Variants in PIGF observed in about 807,000 individuals in gnomAD.
The protein encoded by PIGF is GPI ethanolamine phosphate transferase, stabilizing subunit.
Under a neutral mutation model 26.0 loss-of-function variants are expected in PIGF, and 23 were observed. That is an observed-to-expected ratio of 0.88 (90% confidence interval 0.64 to 1.25). The LOEUF (loss-of-function observed/expected upper bound fraction) is 1.25, where lower values mean the gene tolerates loss of function less well. PIGF is among the 50% of genes most tolerant of loss of function. PIGF has a pLI of 0.00. For synonymous variants in PIGF, 93 were observed against 92.6 expected, an observed-to-expected ratio of 1.00 and a Z score of -0.03; for missense variants, 278 against 249.9, an observed-to-expected ratio of 1.11 and a Z score of -0.76.
At chr2:46,587,796 C>T (rs1435154731) in intron 5 of PIGF, among the ~76,000 whole-genome samples, 6 of 152,132 alleles carry the variant, frequency 3.9e-5, no homozygotes, top group Non-Finnish European at 8.8e-5. Context: ...AAAATACAGA[C>T]ACCACCACAA....
At chr2:46,584,435 G>T (rs541935720) in intron 5 of PIGF, among the ~76,000 whole-genome samples, 1 of 152,138 alleles carries the variant, frequency 6.6e-6, no homozygotes, top group Non-Finnish European at 1.5e-5. Flanking sequence ...TTCCAATTTG[G>T]GTTACTAAAT....
At chr2:46,607,313 CAAACCTTTACCAAGG>C (rs891796198) in intron 4 of PIGF, among the ~76,000 whole-genome samples, 2 of 152,148 alleles carry the variant, frequency 1.3e-5, no homozygotes, top group South Asian at 2.1e-4. Context: ...TTTCCAGAAG[CAAACCTTTACCAAGG>C]AAACCTTTTC....
intron 4 of PIGF, among the ~76,000 whole-genome samples, chr2:46,601,467 T>A (rs1670052699): frequency 6.6e-6 from 1 of 152,122 alleles, no homozygotes; most frequent in African/African-American, 2.4e-5. Flanking sequence ...ATGGTTTAAA[T>A]ACACTGTCAT....
In PIGF at chr2:46,588,209, G is replaced by A. The variant is rs375801333; in HGVS notation, c.546+4266C>T. 83 of 1,608,562 alleles carry A rather than the reference G, an allele frequency of 5.2e-5. No individual in the cohort carries two copies. The highest frequency in any genetic ancestry group is 6.8e-5 in the Non-Finnish European group (80 of 1,177,932). On this transcript the variant is annotated intron_variant, in intron 5 of 5. Transcript: ENST00000281382. This position sits in a 1 kb window ranked among gnomAD's most constrained non-coding sequence, Gnocchi z 4.1. The stretch of plus-strand genomic sequence containing the variant: ...AATGTCAGACAGGATTGAAAATTAT[G>A]TGAAATCCAAATACCCTAAATTGGC...
chr2:46,608,573 ACTAT>A (rs1670296805), intron 4 of PIGF, among the ~76,000 whole-genome samples: 1 of 152,234 alleles, frequency 6.6e-6, no homozygotes, highest in Non-Finnish European at 1.5e-5. Context: ...CAGAGGAATC[ACTAT>A]CTATGGCAGC....
At chr2:46,587,439 GAA>G (rs5830909) in intron 5 of PIGF, among the ~76,000 whole-genome samples, 4 of 144,628 alleles carry the variant, frequency 2.8e-5, no homozygotes, top group South Asian at 4.4e-4. Flanking sequence ...TGGTAAAACT[GAA>G]AAAAAAAAAC....
At chr2:46,597,092 C>A (rs2104094769) in intron 4 of PIGF, among the ~76,000 whole-genome samples, 1 of 152,268 alleles carries the variant, frequency 6.6e-6, no homozygotes, top group Middle Eastern at 3.4e-3. Flanking sequence ...CTTTTTGGAG[C>A]CACCTAGGAC....
In PIGF at chr2:46,605,793, C is replaced by T. The variant is rs576951912; in HGVS notation, c.437+6435G>A. On this transcript the variant is annotated intron_variant, in intron 4 of 5. Coordinates refer to ENST00000281382, the MANE Select transcript of PIGF (RefSeq NM_002643.4). ...ACAGAACTGGGGCAAATCACTTAAC[C>T]TGTCAGCTTTCTAAGTTCTTCATCT... Among the ~76,000 whole-genome samples the T allele has an allele frequency of 7.2e-5, 11 of 152,230 alleles. 1 individual carries two copies. The highest frequency in any genetic ancestry group is 2.6e-4 in the African/African-American group (11 of 41,568).
Position 46,598,529 on chromosome 2 carries a change from A to ATTTTTTTTTTTTTTTT in PIGF, c.438-5962_438-5947dup, listed in dbSNP as rs747263045. On this transcript the variant is annotated intron_variant, in intron 4 of 5. Transcript: ENST00000281382. ...ATAAACTTTCTTAAAACATTATGAG[A>ATTTTTTTTTTTTTTTT]TTTTTTTTTTTTTTTTTTTTTTTTA... Among the ~76,000 whole-genome samples the ATTTTTTTTTTTTTTTT allele has an allele frequency of 3.4e-4, 35 of 103,512 alleles. 1 individual carries two copies. The highest frequency in any genetic ancestry group is 9.4e-4 in the African/African-American group (21 of 22,404). 67.9% of individuals were successfully genotyped at this position (103,512 alleles called of 152,430 possible).
At position 46,599,973 on chromosome 2, in the gene PIGF, G is replaced by A. The variant is rs180903118; in HGVS notation, c.438-7390C>T. Among the ~76,000 whole-genome samples, 12 of 152,270 alleles carry A rather than the reference G, an allele frequency of 7.9e-5. No homozygotes were observed. The East Asian group carries it at 2.1e-3, about 27-fold the overall frequency. Reference sequence around the variant, plus strand: ...GATGTTATTTTCTAATAAGTTTTCTGTAACATGAGGCAGGAAAGAGAATGG... The same window carrying A: ...GATGTTATTTTCTAATAAGTTTTCTATAACATGAGGCAGGAAAGAGAATGG... On this transcript the variant is annotated intron_variant, in intron 4 of 5. Transcript: ENST00000281382.
At chr2:46,608,167 T>C (rs939157382) in intron 4 of PIGF, among the ~76,000 whole-genome samples, 2 of 152,212 alleles carry the variant, frequency 1.3e-5, no homozygotes, top group African/African-American at 4.8e-5. Context: ...ATTGCTTTGC[T>C]TTATTAACTA....
At chr2:46,609,285 T>C (rs1023167128) in intron 4 of PIGF, among the ~76,000 whole-genome samples, 1 of 152,240 alleles carries the variant, frequency 6.6e-6, no homozygotes. Context: ...CTCACCTCTC[T>C]CAGCCTTCAC....
chr2:46,592,070 G>T, intron 5 of PIGF: 1 of 871,868 alleles, frequency 1.1e-6, no homozygotes, highest in Non-Finnish European at 1.6e-6. Context: ...TTCCTATACT[G>T]GCTGGGCTCG....
intron 4 of PIGF, among the ~76,000 whole-genome samples, chr2:46,604,547 C>T (rs895056167): frequency 2.0e-5 from 3 of 151,726 alleles, no homozygotes; most frequent in Non-Finnish European, 4.4e-5. Context: ...GAATGAGTTC[C>T]TGCCATTTGC....
In PIGF at chr2:46,612,244, C is replaced by T; in HGVS notation, c.421G>A (p.Val141Met). 1 of 1,311,194 alleles carries T rather than the reference C, an allele frequency of 7.6e-7. No individual in the cohort carries two copies. The allele number at this position is 1,311,194 out of a possible 1,614,324, so 81.2% of individuals were successfully genotyped here. ...LGPNLKAWLR[V>M]FSRNGVTSIW... ...AAAACTTACCCATTTCTACTGAACA[C>T]TCTTAGCCATGCTTTGAGGTTTGGT... The change falls in exon 4 of 6, where the codon GTG becomes ATG. Residue 141 changes from valine (V) to methionine (M), a missense_variant. Transcript: ENST00000281382.
In PIGF at chr2:46,589,986, TC is replaced by T. The variant is rs1215228522; in HGVS notation, c.546+2488del. Among the ~76,000 whole-genome samples, 1 of 152,040 alleles carries T rather than the reference TC, an allele frequency of 6.6e-6. No homozygotes were observed. Among genetic ancestry groups the T allele is most frequent in the Non-Finnish European group, 1.5e-5 (1 of 67,928 alleles). The stretch of plus-strand genomic sequence containing the variant: ...TTTAATTATACATCAATTCTATCAT[TC>T]CCTCAACAATACATTTCATAATTTA... On this transcript the variant is annotated intron_variant, in intron 5 of 5. Transcript: ENST00000281382. The surrounding 1 kb of genome is among the most constrained non-coding windows in gnomAD (Gnocchi z 4.7).
chr2:46,594,293 C>T (rs952006017), intron 4 of PIGF, among the ~76,000 whole-genome samples: 1 of 152,166 alleles, frequency 6.6e-6, no homozygotes, highest in Non-Finnish European at 1.5e-5. Context: ...AGTGATGTGC[C>T]TGGAAACATA....
chr2:46,615,223 C>G, intron 1 of PIGF, 38 bp from the exon 2 acceptor site: 1 of 809,222 alleles, frequency 1.2e-6, no homozygotes, highest in East Asian at 2.4e-5. Context: ...TATGCAATAA[C>G]GACTTTTTCC....
At chr2:46,600,499 GTAA>G (rs1314716296) in intron 4 of PIGF, among the ~76,000 whole-genome samples, 1 of 152,138 alleles carries the variant, frequency 6.6e-6, no homozygotes, top group Non-Finnish European at 1.5e-5. Flanking sequence ...TGGAATACTT[GTAA>G]TGATGATTAA....
Sources: allele counts gnomAD v4.1 joint callset (sites outside exome capture counted in the v4.1 genomes callset), GRCh38; gene constraint gnomAD v4.1.1; non-coding constraint Gnocchi (gnomAD v3.1); transcripts MANE v1.5; gene names NCBI Gene and HGNC (gene_info 2026-07-23, HGNC 2026-07-21).